Variants in EPHB1 observed in about 807,000 individuals in gnomAD.
EPHB1 encodes ephrin type-B receptor 1.
A neutral mutation model predicts 94.4 loss-of-function variants in EPHB1; 30 were observed. That is an observed-to-expected ratio of 0.32 (90% CI 0.24 to 0.43). The LOEUF is 0.43. EPHB1 is among the 20% of genes least tolerant of loss of function. The pLI is 1.00. For missense variants in EPHB1, 1,055 were observed against 1,308.3 expected, an observed-to-expected ratio of 0.81 and a Z score of 2.99; for synonymous variants, 522 against 489.1, an observed-to-expected ratio of 1.07 and a Z score of -0.89.
Position 134,951,320 on chromosome 3 carries a change from C to T in EPHB1, c.124-51C>T. On this transcript the variant is annotated intron_variant, in intron 2 of 15. Coordinates refer to ENST00000398015, the MANE Select transcript of EPHB1 (RefSeq NM_004441.5). The surrounding 1 kb of genome is among the most constrained non-coding windows in gnomAD (Gnocchi z 4.5). Reference sequence around the variant, plus strand: ...TGCTATGCCTATTTTTGTATTCTCACTCTCTATTTTGTGTTTTTGCATGTG... The same window carrying T: ...TGCTATGCCTATTTTTGTATTCTCATTCTCTATTTTGTGTTTTTGCATGTG... 2 of 1,467,350 alleles carry T rather than the reference C, an allele frequency of 1.4e-6. No individual in the cohort carries two copies. The highest frequency in any genetic ancestry group is 2.5e-5 in the Admixed American group (1 of 39,590). The allele number at this position is 1,467,350 out of a possible 1,614,324, so 90.9% of individuals were successfully genotyped here.
rs541152839 is a variant in EPHB1, at chr3:135,048,265, T to C, written c.806-58183T>C. Among the ~76,000 whole-genome samples the C allele has an allele frequency of 5.2e-3, 678 of 129,196 alleles. 2 individuals carry two copies. The highest frequency in any genetic ancestry group is 7.4e-3 in the Admixed American group (100 of 13,442). The allele number at this position is 129,196 out of a possible 152,430, so 84.8% of individuals were successfully genotyped here. On this transcript the variant is annotated intron_variant, in intron 3 of 15. Coordinates refer to ENST00000398015, the MANE Select transcript of EPHB1 (RefSeq NM_004441.5). ...TTTTCTTTCTTTCTTTTTTCTTTTT[T>C]TTTTTTTTTTTTTTTTTGAGATAGG... is the stretch of plus-strand genomic sequence containing the variant.
At chr3:134,877,124 G>T (rs987468601) in intron 1 of EPHB1, among the ~76,000 whole-genome samples, 2 of 152,184 alleles carry the variant, frequency 1.3e-5, no homozygotes, top group Non-Finnish European at 2.9e-5. Context: ...CAGACCTGGG[G>T]TCATGGTCCT....
At chr3:134,892,546 C>T (rs1176412800) in intron 1 of EPHB1, among the ~76,000 whole-genome samples, 1 of 152,138 alleles carries the variant, frequency 6.6e-6, no homozygotes, top group Admixed American at 6.5e-5. Context: ...CAATCACTCC[C>T]TAGGTGACCC....
chr3:135,239,672 ACT>A (rs1485035779), intron 12 of EPHB1, among the ~76,000 whole-genome samples: 2 of 152,210 alleles, frequency 1.3e-5, no homozygotes, highest in Non-Finnish European at 2.9e-5. Flanking sequence ...TGTAATTGGC[ACT>A]GATGCTGGAC....
At chr3:134,907,910 C>T (rs994540779) in intron 1 of EPHB1, among the ~76,000 whole-genome samples, 4 of 152,216 alleles carry the variant, frequency 2.6e-5, no homozygotes, top group Non-Finnish European at 4.4e-5. Context: ...CTCCCCTCTC[C>T]GGGCCTCCAA....
chr3:135,152,736 G>A (rs1006542982), intron 5 of EPHB1, among the ~76,000 whole-genome samples: 14 of 152,180 alleles, frequency 9.2e-5, no homozygotes, highest in Non-Finnish European at 1.5e-4. Context: ...GTCTGCCATG[G>A]CATCCCTGCT....
intron 4 of EPHB1, among the ~76,000 whole-genome samples, chr3:135,114,728 GATAA>G (rs67059261): frequency 0.022 from 2,954 of 133,698 alleles, 37 homozygotes; most frequent in Middle Eastern, 0.034. Context: ...GTCTCAGATA[GATAA>G]ATAAATAAAT....
intron 1 of EPHB1, among the ~76,000 whole-genome samples, chr3:134,818,498 T>C (rs1047789070): frequency 6.6e-6 from 1 of 152,198 alleles, no homozygotes; most frequent in Non-Finnish European, 1.5e-5. Flanking sequence ...CACTGCACCA[T>C]ATTTGTAGTC....
chr3:135,186,965 C>T (rs1236626956), intron 10 of EPHB1, among the ~76,000 whole-genome samples: 2 of 152,084 alleles, frequency 1.3e-5, no homozygotes, highest in African/African-American at 2.4e-5. Flanking sequence ...AGGTCACAGG[C>T]CCCACCTACT....
chr3:135,226,004 G>A (rs958338015), intron 12 of EPHB1, among the ~76,000 whole-genome samples: 5 of 152,200 alleles, frequency 3.3e-5, no homozygotes, highest in Admixed American at 2.6e-4. Context: ...TAGTCAGTGG[G>A]GAAAGAACAG....
intron 10 of EPHB1, among the ~76,000 whole-genome samples, chr3:135,182,158 T>G (rs1344778312): frequency 6.6e-6 from 1 of 152,164 alleles, no homozygotes; most frequent in African/African-American, 2.4e-5. Context: ...CTCATTTCCC[T>G]CATACCCTGC....
At chr3:135,230,837 G>A (rs946685325) in intron 12 of EPHB1, among the ~76,000 whole-genome samples, 3 of 152,154 alleles carry the variant, frequency 2.0e-5, no homozygotes, top group Non-Finnish European at 4.4e-5. Context: ...TTCTGCTCCT[G>A]CACTAATTCA....
At chr3:135,217,777 T>C (rs1943189523) in intron 12 of EPHB1, among the ~76,000 whole-genome samples, 1 of 152,204 alleles carries the variant, frequency 6.6e-6, no homozygotes, top group African/African-American at 2.4e-5. Flanking sequence ...CAGAAAATTA[T>C]CTCCAAGATA....
At chr3:134,868,081 T>G (rs763791515) in intron 1 of EPHB1, among the ~76,000 whole-genome samples, 18 of 152,176 alleles carry the variant, frequency 1.2e-4, no homozygotes, top group African/African-American at 3.4e-4. Flanking sequence ...GAGTTAAGGT[T>G]TAATGAAAAG....
intron 3 of EPHB1, among the ~76,000 whole-genome samples, chr3:135,036,458 T>G (rs1458282852): frequency 1.3e-5 from 2 of 152,194 alleles, no homozygotes; most frequent in Admixed American, 1.3e-4. Flanking sequence ...TTCTGTGTTG[T>G]CTTTGCCATG....
At chr3:134,828,626 C>T (rs930032980) in intron 1 of EPHB1, among the ~76,000 whole-genome samples, 18 of 152,160 alleles carry the variant, frequency 1.2e-4, no homozygotes, top group African/African-American at 3.6e-4. Flanking sequence ...CTCTGCCTAG[C>T]GCTATTTCCA....
At chr3:135,135,233 C>A (rs1017299583) in intron 5 of EPHB1, among the ~76,000 whole-genome samples, 4 of 152,168 alleles carry the variant, frequency 2.6e-5, no homozygotes, top group Admixed American at 2.6e-4. Context: ...GATGCAATTT[C>A]TTCTTGGTAG....
Position 134,893,305 on chromosome 3 carries a change from A to C in EPHB1, c.59-32511A>C, listed in dbSNP as rs75947281. Among the ~76,000 whole-genome samples, 505 of 152,340 alleles carry C rather than the reference A, an allele frequency of 3.3e-3. 3 individuals are homozygous for C. The highest frequency in any genetic ancestry group is 0.012 in the African/African-American group (492 of 41,580). On this transcript the variant is annotated intron_variant, in intron 1 of 15. Transcript: ENST00000398015. ...CTATGTTAACTGAAATGAGGAATGA[A>C]CAAATCTGTTCACGGGTCGCTCTGC...
At chr3:135,157,685 C>T (rs537166856) in intron 6 of EPHB1, among the ~76,000 whole-genome samples, 21 of 152,352 alleles carry the variant, frequency 1.4e-4, no homozygotes, top group South Asian at 4.1e-4. Flanking sequence ...CCTTCACTTA[C>T]GAAGTGCTTG....
Sources: gnomAD v4.1 joint callset for allele counts (sites outside exome capture counted in the v4.1 genomes callset) on GRCh38, gnomAD v4.1.1 for gene constraint, Gnocchi (gnomAD v3.1) non-coding constraint, MANE v1.5 for transcripts, NCBI Gene and HGNC (gene_info 2026-07-23, HGNC 2026-07-21) for gene names.